Variants in MAST2 observed in about 807,000 individuals in gnomAD.
MAST2 encodes microtubule associated serine/threonine kinase 2, also known as microtubule-associated serine/threonine-protein kinase 2.
Under a neutral mutation model 147.4 loss-of-function variants are expected in MAST2, and 70 were observed. The observed-to-expected ratio is 0.47, with a 90% CI of 0.39 to 0.58. The LOEUF is 0.58. Ranked by LOEUF, MAST2 falls within the 20% of genes least tolerant of loss-of-function variation. The pLI is 0.00. For synonymous variants in MAST2, 869 were observed against 896.8 expected, an observed-to-expected ratio of 0.97 and a Z score of 0.55; for missense variants, 2,080 against 2,302.3, an observed-to-expected ratio of 0.90 and a Z score of 1.98.
intron 3 of MAST2, among the ~76,000 whole-genome samples, chr1:45,878,309 T>C (rs1484727882): frequency 6.6e-6 from 1 of 151,540 alleles, no homozygotes; most frequent in African/African-American, 2.4e-5. Flanking sequence ...AGAGAAAAAC[T>C]ATGTAAGCAT....
intron 1 of MAST2, among the ~76,000 whole-genome samples, chr1:45,818,116 C>T (rs1169120313): frequency 6.6e-6 from 1 of 152,092 alleles, no homozygotes; most frequent in African/African-American, 2.4e-5. Flanking sequence ...CTTGTTGAAG[C>T]TTGGTTGTGT....
intron 3 of MAST2, among the ~76,000 whole-genome samples, chr1:45,842,269 A>G (rs1645300210): frequency 1.3e-5 from 2 of 152,232 alleles, no homozygotes. Flanking sequence ...TTCTCAGATG[A>G]TGACAGGTAA....
intron 5 of MAST2, among the ~76,000 whole-genome samples, chr1:45,984,399 G>T (rs905972424): frequency 2.0e-5 from 3 of 151,576 alleles, no homozygotes; most frequent in African/African-American, 7.3e-5. Flanking sequence ...GACCTCCTGG[G>T]CTCAAGTGAT....
In MAST2 at chr1:46,032,626, G is replaced by T; in HGVS notation, c.3445G>T (p.Ala1149Ser). The change falls in exon 26 of 29, where the codon GCA (alanine) becomes TCA (serine). Residue 1149 changes from alanine (A) to serine (S), a missense_variant. Physicochemically the swap from Ala to Ser is moderately conservative, Grantham distance 99 (BLOSUM62 1). Coordinates refer to ENST00000361297, the MANE Select transcript of MAST2 (RefSeq NM_015112.3). ...GGAGGATGGAGGTCCGGCCAGTGAG[G>T]CAGGGCTTCGTCAAGGTGACCTCAT... Reference protein sequence around the residue: ...HVEDGGPASEAGLRQGDLITH... With the variant: ...HVEDGGPASESGLRQGDLITH... The T allele has an allele frequency of 6.2e-7, 1 of 1,614,202 alleles. No homozygotes were observed. Among genetic ancestry groups the T allele is most frequent in the Non-Finnish European group, 8.5e-7 (1 of 1,180,032 alleles).
intron 4 of MAST2, among the ~76,000 whole-genome samples, chr1:45,927,610 T>G (rs1040218464): frequency 3.3e-5 from 5 of 152,250 alleles, no homozygotes; most frequent in African/African-American, 1.2e-4. Flanking sequence ...TCTTATTCCC[T>G]GAACAATTGC....
At chr1:45,902,782 A>G (rs921721903) in intron 4 of MAST2, among the ~76,000 whole-genome samples, 1 of 152,116 alleles carries the variant, frequency 6.6e-6, no homozygotes, top group Non-Finnish European at 1.5e-5. Flanking sequence ...GAGATGTTAT[A>G]GTAGTCTCTG....
intron 3 of MAST2, among the ~76,000 whole-genome samples, chr1:45,840,429 T>C (rs553348175): frequency 2.0e-5 from 3 of 152,148 alleles, no homozygotes. Context: ...CAAAAGTAAA[T>C]ACAAACTCAG....
chr1:45,988,915 T>C (rs924856622), intron 5 of MAST2, among the ~76,000 whole-genome samples: 1 of 152,186 alleles, frequency 6.6e-6, no homozygotes, highest in African/African-American at 2.4e-5. Context: ...TGTATATTTC[T>C]GACCCCAGTC....
chr1:45,804,579 A>G (rs914468582), intron 1 of MAST2, among the ~76,000 whole-genome samples: 4 of 152,312 alleles, frequency 2.6e-5, no homozygotes, highest in Admixed American at 2.6e-4. Flanking sequence ...TTTACCAACC[A>G]TCTATTTCAC....
intron 5 of MAST2, among the ~76,000 whole-genome samples, chr1:45,972,066 A>T (rs899723634): frequency 1.3e-5 from 2 of 152,220 alleles, no homozygotes. Flanking sequence ...CCAGCTGCCA[A>T]TTCCAGGTGA....
At chr1:45,823,291 T>C (rs748281062) in intron 1 of MAST2, among the ~76,000 whole-genome samples, 2 of 151,842 alleles carry the variant, frequency 1.3e-5, no homozygotes, top group Non-Finnish European at 2.9e-5. Context: ...GCCAGTTACT[T>C]GAAGCTTGTT....
intron 4 of MAST2, among the ~76,000 whole-genome samples, chr1:45,940,176 A>C (rs1657030818): frequency 6.6e-6 from 1 of 151,234 alleles, no homozygotes; most frequent in African/African-American, 2.4e-5. Context: ...TATTTTTAGT[A>C]GACATGGGGT....
chr1:45,993,490 C>A (rs1412358228), intron 5 of MAST2, among the ~76,000 whole-genome samples: 1 of 152,038 alleles, frequency 6.6e-6, no homozygotes, highest in Non-Finnish European at 1.5e-5. Flanking sequence ...TCGAGACCAG[C>A]CTGGCCAACA....
chr1:46,031,286 T>C lies in MAST2; in HGVS notation c.2988T>C (p.Ser996=), dbSNP rs1646653727. 3.2e-6 allele frequency: 5 copies of C among 1,540,538 alleles called. No homozygotes were observed. The highest frequency in any genetic ancestry group is 4.4e-6 in the Non-Finnish European group (5 of 1,139,578). The change falls in exon 23 of 29, where the codon AGT becomes AGC. Residue 996 remains serine, a synonymous_variant. Transcript: ENST00000361297. This position sits in a 1 kb window ranked among gnomAD's most constrained non-coding sequence, Gnocchi z 4.1. ...EEAVGRSSGS[S]PAMETRGRGT... ...CTGTTGGCCGGAGCAGTGGTTCCAG[T>C]CCAGGTATGGCCCAGTGGGCGGCCA...
At chr1:46,010,081 AC>A in intron 9 of MAST2, among the ~76,000 whole-genome samples, 2 of 152,248 alleles carry the variant, frequency 1.3e-5, no homozygotes, top group Middle Eastern at 3.4e-3. Flanking sequence ...ACCATCTGTG[AC>A]CAGACAGGTT....
intron 4 of MAST2, among the ~76,000 whole-genome samples, chr1:45,956,755 A>T (rs1659716785): frequency 6.6e-6 from 1 of 152,192 alleles, no homozygotes; most frequent in African/African-American, 2.4e-5. Context: ...GGTATGGTGG[A>T]TACACCCATC....
At chr1:45,805,651 C>G (rs1644120805) in intron 1 of MAST2, among the ~76,000 whole-genome samples, 1 of 151,976 alleles carries the variant, frequency 6.6e-6, no homozygotes, top group South Asian at 2.1e-4. Context: ...TTGATTTTTC[C>G]CTCCTCTTTA....
At chr1:45,843,203 A>T (rs1019325224) in intron 3 of MAST2, among the ~76,000 whole-genome samples, 1 of 151,188 alleles carries the variant, frequency 6.6e-6, no homozygotes, top group East Asian at 1.9e-4. Context: ...TGATTTCCAA[A>T]TTTTTTTCCT....
chr1:45,943,511 T>C (rs1657609694), intron 4 of MAST2, among the ~76,000 whole-genome samples: 1 of 152,192 alleles, frequency 6.6e-6, no homozygotes, highest in African/African-American at 2.4e-5. Flanking sequence ...AACGAAAAGA[T>C]GCTTATGAAA....
Sources: gnomAD v4.1 joint callset for allele counts (sites outside exome capture counted in the v4.1 genomes callset) on GRCh38, gnomAD v4.1.1 for gene constraint, Gnocchi (gnomAD v3.1) non-coding constraint, MANE v1.5 for transcripts, NCBI Gene and HGNC (gene_info 2026-07-23, HGNC 2026-07-21) for gene names.